DLG2: variants seen among roughly 807,000 people sequenced by gnomAD.
DLG2 encodes discs large MAGUK scaffold protein 2.
A neutral mutation model predicts 132.5 loss-of-function variants in DLG2; 45 were observed. That is an observed-to-expected ratio of 0.34 (90% CI 0.27 to 0.44). The LOEUF (loss-of-function observed/expected upper bound fraction) is 0.44. DLG2 is among the 20% of genes least tolerant of loss of function. The pLI is 1.00. For missense variants in DLG2, 1,045 were observed against 1,196.9 expected (o/e 0.87, Z 1.87); for synonymous variants, 424 against 419.6 (o/e 1.01, Z -0.13).
intron 6 of DLG2, among the ~76,000 whole-genome samples, chr11:84,984,526 C>G (rs2056220533): frequency 6.6e-6 from 1 of 151,610 alleles, no homozygotes; most frequent in African/African-American, 2.4e-5. Context: ...AAAACAGAAC[C>G]TCTTTAAAGC....
At position 84,202,690 on chromosome 11, in the gene DLG2, A is replaced by G. The variant is rs1160835601; in HGVS notation, c.574-39179T>C. Among the ~76,000 whole-genome samples, 3 of 152,304 alleles carry G rather than the reference A, an allele frequency of 2.0e-5. No individual in the cohort carries two copies. The East Asian group carries it at 5.8e-4, about 29-fold the overall frequency. On this transcript the variant is annotated intron_variant, in intron 8 of 27. Transcript: ENST00000376104. The stretch of plus-strand genomic sequence containing the variant: ...ATCAAAGTGAACAGACAACATATAA[A>G]ATGGGAGAATATTTTTGCAATCTAT...
chr11:84,633,104 A>T (rs1234779039), intron 6 of DLG2, among the ~76,000 whole-genome samples: 1 of 152,232 alleles, frequency 6.6e-6, no homozygotes, highest in Admixed American at 6.5e-5. Flanking sequence ...ATATTAATGT[A>T]GCCATTTAGA....
chr11:84,601,167 T>G (rs986386235), intron 6 of DLG2, among the ~76,000 whole-genome samples: 3 of 152,100 alleles, frequency 2.0e-5, no homozygotes, highest in African/African-American at 7.2e-5. Flanking sequence ...AAATTATATT[T>G]GGTGTTGACA....
chr11:83,771,770 G>C (rs2094401653), intron 18 of DLG2, among the ~76,000 whole-genome samples: 1 of 152,128 alleles, frequency 6.6e-6, no homozygotes, highest in Non-Finnish European at 1.5e-5. Context: ...CTATTACCAA[G>C]AAATCAATCA....
intron 6 of DLG2, among the ~76,000 whole-genome samples, chr11:84,942,101 C>T (rs1297814676): frequency 2.0e-5 from 3 of 152,038 alleles, no homozygotes; most frequent in Non-Finnish European, 4.4e-5. Context: ...TGTAATGTCT[C>T]CTTTTTCATT....
chr11:84,660,457 T>C (rs1182974820), intron 6 of DLG2, among the ~76,000 whole-genome samples: 3 of 152,140 alleles, frequency 2.0e-5, no homozygotes, highest in Admixed American at 2.0e-4. Context: ...ATCACCATAA[T>C]GGTGTGTCTT....
intron 7 of DLG2, among the ~76,000 whole-genome samples, chr11:84,284,146 A>G (rs1226361148): frequency 6.6e-6 from 1 of 152,202 alleles, no homozygotes; most frequent in Non-Finnish European, 1.5e-5. Flanking sequence ...AGGCAGGAGA[A>G]TCACTGGAAC....
chr11:85,373,556 G>A (rs186043738), intron 3 of DLG2, among the ~76,000 whole-genome samples: 23 of 152,268 alleles, frequency 1.5e-4, no homozygotes, highest in African/African-American at 4.8e-4. Flanking sequence ...CAACCAGCCT[G>A]CCCATTGGGG....
At chr11:84,301,113 G>A (rs1024661879) in intron 7 of DLG2, among the ~76,000 whole-genome samples, 2 of 152,188 alleles carry the variant, frequency 1.3e-5, no homozygotes, top group South Asian at 2.1e-4. Flanking sequence ...ATATCCTCAC[G>A]AGAAGTGTAG....
chr11:85,471,480 G>A (rs2092982301), intron 3 of DLG2, among the ~76,000 whole-genome samples: 3 of 151,894 alleles, frequency 2.0e-5, no homozygotes, highest in Admixed American at 6.6e-5. Context: ...GATAAAAGGA[G>A]GCACAAAACA....
chr11:84,356,944 G>C (rs1266191816), intron 7 of DLG2, among the ~76,000 whole-genome samples: 9 of 152,002 alleles, frequency 5.9e-5, no homozygotes, highest in Non-Finnish European at 8.8e-5. Flanking sequence ...AAGTTCAAGG[G>C]CTATTGGGTA....
chr11:84,750,088 C>G (rs912644546), intron 6 of DLG2, among the ~76,000 whole-genome samples: 4 of 152,148 alleles, frequency 2.6e-5, no homozygotes, highest in Non-Finnish European at 4.4e-5. Context: ...GAACCACTCA[C>G]TTGTTCCAAC....
intron 3 of DLG2, among the ~76,000 whole-genome samples, chr11:85,544,539 G>A (rs2076177047): frequency 6.6e-6 from 1 of 152,156 alleles, no homozygotes; most frequent in Admixed American, 6.5e-5. Flanking sequence ...AAAGTCAATG[G>A]TAGCTTGATA....
rs193011873 is a variant in DLG2 at position 84,759,359 on chromosome 11, A to G, written c.358-224628T>C. 3.3e-5 allele frequency among the ~76,000 whole-genome samples: 5 copies of G among 152,340 alleles called. No homozygotes were observed. In the East Asian group the frequency reaches 9.6e-4, roughly 29 times the overall value. On this transcript the variant is annotated intron_variant, in intron 6 of 27. Coordinates refer to ENST00000376104, the MANE Select transcript of DLG2 (RefSeq NM_001142699.3). ...GCTATGCAGGATGTTAAGGCAGCAT[A>G]AAATAGATTGGCCTACCTGCACTGG...
chr11:83,748,022 C>T (rs1437351732), intron 18 of DLG2, among the ~76,000 whole-genome samples: 1 of 152,114 alleles, frequency 6.6e-6, no homozygotes, highest in Non-Finnish European at 1.5e-5. Context: ...GATCACACAA[C>T]AAGTAAGTGG....
At chr11:85,255,420 T>C (rs1237471073) in intron 4 of DLG2, among the ~76,000 whole-genome samples, 2 of 152,246 alleles carry the variant, frequency 1.3e-5, no homozygotes, top group Non-Finnish European at 2.9e-5. Context: ...AACTGCATTT[T>C]AAAATGCCAT....
intron 18 of DLG2, among the ~76,000 whole-genome samples, chr11:83,759,909 A>G (rs2093826476): frequency 1.3e-5 from 2 of 152,182 alleles, no homozygotes; most frequent in African/African-American, 4.8e-5. Flanking sequence ...TCCAAAACTC[A>G]CAAGTAGGAC....
In DLG2 at chr11:83,720,018, C is replaced by T. The variant is rs149632818; in HGVS notation, c.1825+66672G>A. 4.6e-3 allele frequency among the ~76,000 whole-genome samples: 706 copies of T among 151,996 alleles called. 6 individuals carry two copies. Among genetic ancestry groups the T allele is most frequent in the African/African-American group, 0.016 (681 of 41,462 alleles). ...GTAAAAAGAATGACTTTCAGCCGGGCGCAGTGGCTCACGCCTGTAATCCCA... is the reference window on the plus strand; with the variant it reads ...GTAAAAAGAATGACTTTCAGCCGGGTGCAGTGGCTCACGCCTGTAATCCCA... On this transcript the variant is annotated intron_variant, in intron 18 of 27. Transcript: ENST00000376104.
At chr11:84,588,574 G>A (rs998478974) in intron 6 of DLG2, among the ~76,000 whole-genome samples, 2 of 152,082 alleles carry the variant, frequency 1.3e-5, no homozygotes, top group Non-Finnish European at 2.9e-5. Flanking sequence ...AACCAGAGCA[G>A]CTCCATTTTG....
Sources: gnomAD v4.1 joint callset for allele counts (sites outside exome capture counted in the v4.1 genomes callset) on GRCh38, gnomAD v4.1.1 for gene constraint, MANE v1.5 for transcripts, NCBI Gene and HGNC (gene_info 2026-07-23, HGNC 2026-07-21) for gene names.